The following CARM1 variants were observed in gnomAD, a reference collection of about 807,000 sequenced individuals.
CARM1 encodes the protein coactivator associated arginine methyltransferase 1.
A neutral mutation model predicts 72.7 loss-of-function variants in CARM1; 14 were observed. That is an observed-to-expected ratio of 0.19 (90% CI 0.13 to 0.30). The LOEUF (loss-of-function observed/expected upper bound fraction) is 0.30, where lower values mean the gene tolerates loss of function less well. Ranked by LOEUF, CARM1 falls within the 10% of genes least tolerant of loss-of-function variation. CARM1 has a pLI of 1.00. For missense variants in CARM1, 432 were observed against 833.7 expected (o/e 0.52, Z 5.93); for synonymous variants, 333 against 345.5 (o/e 0.96, Z 0.40).
At position 10,920,042 on chromosome 19, in the gene CARM1, G is replaced by T. The variant is rs201505830; in HGVS notation, c.1196+76G>T. On this transcript the variant is annotated intron_variant, in intron 10 of 15. Coordinates refer to ENST00000327064, the MANE Select transcript of CARM1 (RefSeq NM_199141.2). This position sits in a 1 kb window ranked among gnomAD's most constrained non-coding sequence, Gnocchi z 5.3. ...CCTGCAGCTGCAACCTGGCTGGGGG[G>T]GTGGAACATGGCTCCAGGTTCCACC... 45 of 1,114,548 alleles carry T rather than the reference G, an allele frequency of 4.0e-5. No homozygotes were observed. The highest frequency in any genetic ancestry group is 4.1e-4 in the Middle Eastern group (2 of 4,856). 69.0% of individuals were successfully genotyped at this position (1,114,548 alleles called of 1,614,324 possible).
Position 10,921,771 on chromosome 19 carries a change from G to A in CARM1, c.*14G>A, listed in dbSNP as rs749553998. 3.2e-5 allele frequency: 50 copies of A among 1,574,136 alleles called. 1 individual carries two copies. The highest frequency in any genetic ancestry group is 6.8e-5 in the African/African-American group (5 of 73,842). Reference sequence around the variant, plus strand: ...TACGGGAGCTAGGGGCCCGCCCCGCGGACTGACAGCACCAGGAAACCAAAT... The same window carrying A: ...TACGGGAGCTAGGGGCCCGCCCCGCAGACTGACAGCACCAGGAAACCAAAT... On this transcript the variant is annotated 3_prime_UTR_variant, in exon 16 of 16. Transcript: ENST00000327064.
Position 10,921,739 on chromosome 19 carries a change from C to T in CARM1, c.1809C>T (p.Thr603=). 1.2e-6 allele frequency: 2 copies of T among 1,608,802 alleles called. No individual in the cohort carries two copies. The highest frequency in any genetic ancestry group is 8.5e-7 in the Non-Finnish European group (1 of 1,176,602). The change falls in exon 16 of 16, where the codon ACC becomes ACT. Residue 603 remains threonine, a synonymous_variant. Transcript: ENST00000327064. The part of the protein sequence containing the change: ...MASPMSIPTN[T]MHYGS ...CGCCCATGTCCATCCCGACCAACAC[C>T]ATGCACTACGGGAGCTAGGGGCCCG...
chr19:10,892,685 C>G (rs1123488), intron 1 of CARM1, among the ~76,000 whole-genome samples: 1 of 151,460 alleles, frequency 6.6e-6, no homozygotes, highest in Non-Finnish European at 1.5e-5. Context: ...CCTAGGAATC[C>G]TCACTGCAGG....
rs369382307 is a variant in CARM1 at position 10,913,873 on chromosome 19, G to A, written c.670-4G>A. On this transcript the variant is annotated splice_polypyrimidine_tract_variant and splice_region_variant and intron_variant, in intron 5 of 15. Transcript: ENST00000327064. ...GAAGCCCACATGGCCCTGCCCGCCT[G>A]CAGGTCTTGGTGAAGAGTAACAACC... 1.2e-6 allele frequency: 2 copies of A among 1,610,994 alleles called. No homozygotes were observed. The highest frequency in any genetic ancestry group is 3.3e-5 in the Admixed American group (2 of 59,706).
chr19:10,918,536 T>C (rs2145244214), intron 8 of CARM1, among the ~76,000 whole-genome samples: 1 of 152,300 alleles, frequency 6.6e-6, no homozygotes, highest in South Asian at 2.1e-4. Flanking sequence ...AGCCTCTTAT[T>C]AGCGGCTTTC....
chr19:10,900,769 C>G (rs577279264), intron 1 of CARM1, among the ~76,000 whole-genome samples: 1 of 151,904 alleles, frequency 6.6e-6, no homozygotes, highest in African/African-American at 2.4e-5. Flanking sequence ...CCGCAAGCTC[C>G]GCCTCCCAGG....
intron 15 of CARM1, 60 bp from the exon 16 acceptor site, chr19:10,921,555 A>T (rs2074250398): frequency 1.3e-6 from 2 of 1,567,246 alleles, no homozygotes; most frequent in Admixed American, 3.7e-5. Flanking sequence ...TCTCTCTGTG[A>T]CTCTGCCTGG....
At chr19:10,877,104 T>G (rs1284920849) in intron 1 of CARM1, among the ~76,000 whole-genome samples, 1 of 151,992 alleles carries the variant, frequency 6.6e-6, no homozygotes, top group East Asian at 1.9e-4. Context: ...GTGACTTCCT[T>G]TGGTTACACT....
chr19:10,919,777 T>C, intron 9 of CARM1, 97 bp downstream of exon 9: 1 of 1,492,778 alleles, frequency 6.7e-7, no homozygotes, highest in Non-Finnish European at 9.3e-7. Flanking sequence ...CCAGGGCAGA[T>C]GGTGGGCGGG....
At chr19:10,881,882 G>A (rs1174621789) in intron 1 of CARM1, among the ~76,000 whole-genome samples, 1 of 152,174 alleles carries the variant, frequency 6.6e-6, no homozygotes, top group Non-Finnish European at 1.5e-5. Flanking sequence ...GGTGACACCC[G>A]AGATAAACAC....
rs1185061177 is a variant in CARM1 at position 10,887,285 on chromosome 19, GA to G, written c.220+15364del. Among the ~76,000 whole-genome samples the G allele has an allele frequency of 7.9e-5, 12 of 152,292 alleles. No individual in the cohort carries two copies. The South Asian group carries it at 2.3e-3, about 29-fold the overall frequency. On this transcript the variant is annotated intron_variant, in intron 1 of 15. Transcript: ENST00000327064. The stretch of plus-strand genomic sequence containing the variant: ...CCTGTGTCACCGTGTTGGCCATAGC[GA>G]CCTCTTCCAGAGCTCGCCAAAGCCA...
At chr19:10,873,624 G>GTTTTTGT (rs2073837530) in intron 1 of CARM1, among the ~76,000 whole-genome samples, 3 of 47,342 alleles carry the variant, frequency 6.3e-5, no homozygotes, top group Non-Finnish European at 1.1e-4. Context: ...TTTTAGTTTA[G>GTTTTTGT]TTTTTTTTTT....
Position 10,871,763 on chromosome 19 carries a change from G to A in CARM1, c.61G>A (p.Gly21Ser). 8.9e-7 allele frequency: 1 copy of A among 1,119,914 alleles called. No homozygotes were observed. Among genetic ancestry groups the A allele is most frequent in the Non-Finnish European group, 1.1e-6 (1 of 916,588 alleles). The allele number at this position is 1,119,914 out of a possible 1,614,324, so 69.4% of individuals were successfully genotyped here. A position where few individuals can be genotyped will look rare whatever the true frequency, so the allele number is the denominator to read the frequency against. ...GGGCGGCGCGGGGTCGGCGGTCCCG[G>A]GCGGCGCGGGGCCCTGCGCTACCGT... ...GAGGAGSAVP[G>S]GAGPCATVSV... Residue 21 changes from glycine (G) to serine (S), a missense_variant, in exon 1 of 16, where the codon GGC becomes AGC. Coordinates refer to ENST00000327064, the MANE Select transcript of CARM1 (RefSeq NM_199141.2). This position sits in a 1 kb window ranked among gnomAD's most constrained non-coding sequence, Gnocchi z 5.6.
chr19:10,912,110 C>T lies in CARM1; in HGVS notation c.559-74C>T, dbSNP rs1423691093. The T allele has an allele frequency of 9.7e-7, 1 of 1,026,828 alleles. No individual in the cohort carries two copies. Among genetic ancestry groups the T allele is most frequent in the African/African-American group, 1.6e-5 (1 of 63,664 alleles). The allele number at this position is 1,026,828 out of a possible 1,614,324, so 63.6% of individuals were successfully genotyped here. ...GACAGACGCCTCATGATGTGCACATCCCTTATGATCACTGTCACCTCCCCA... is the reference window on the plus strand; with the variant it reads ...GACAGACGCCTCATGATGTGCACATTCCTTATGATCACTGTCACCTCCCCA... On this transcript the variant is annotated intron_variant, in intron 4 of 15. Transcript: ENST00000327064. The surrounding 1 kb of genome is among the most constrained non-coding windows in gnomAD (Gnocchi z 4.5).
At chr19:10,908,731 G>T in intron 3 of CARM1, 1 of 212,370 alleles carries the variant, frequency 4.7e-6, no homozygotes, top group South Asian at 6.3e-5. Context: ...CACCTGCCTG[G>T]CGCTCTGAGT....
At chr19:10,892,305 A>G (rs913279535) in intron 1 of CARM1, among the ~76,000 whole-genome samples, 2 of 152,228 alleles carry the variant, frequency 1.3e-5, no homozygotes, top group Admixed American at 6.5e-5. Flanking sequence ...TTGCTCAGAC[A>G]TAGTTCTGAT....
At chr19:10,876,476 G>A (rs1032502204) in intron 1 of CARM1, among the ~76,000 whole-genome samples, 4 of 152,178 alleles carry the variant, frequency 2.6e-5, no homozygotes, top group Non-Finnish European at 5.9e-5. Flanking sequence ...GCCATGATCT[G>A]TACCTAACAT....
At position 10,886,475 on chromosome 19, in the gene CARM1, C is replaced by G. The variant is rs143749255; in HGVS notation, c.220+14553C>G. 4.9e-3 allele frequency among the ~76,000 whole-genome samples: 741 copies of G among 151,784 alleles called. 9 individuals carry two copies. Among genetic ancestry groups the G allele is most frequent in the African/African-American group, 0.017 (715 of 41,466 alleles). On this transcript the variant is annotated intron_variant, in intron 1 of 15. Coordinates refer to ENST00000327064, the MANE Select transcript of CARM1 (RefSeq NM_199141.2). ...CCACCCAAAGTGCTGGGATTACAGG[C>G]GTGAGTCACCATGCCCCGCCCCCTC... is the stretch of plus-strand genomic sequence containing the variant.
chr19:10,888,703 G>A (rs561012505), intron 1 of CARM1, among the ~76,000 whole-genome samples: 3 of 152,250 alleles, frequency 2.0e-5, no homozygotes, highest in African/African-American at 7.2e-5. Flanking sequence ...CGCTTTCTGG[G>A]GCTGTGGAAC....
Sources: gnomAD v4.1 joint callset for allele counts (sites outside exome capture counted in the v4.1 genomes callset) on GRCh38, gnomAD v4.1.1 for gene constraint, Gnocchi (gnomAD v3.1) non-coding constraint, MANE v1.5 for transcripts, NCBI Gene and HGNC (gene_info 2026-07-23, HGNC 2026-07-21) for gene names.